The following SCN1A variants were observed in gnomAD, a reference collection of about 807,000 sequenced individuals.
SCN1A encodes the protein sodium voltage-gated channel alpha subunit 1.
A neutral mutation model predicts 193.7 loss-of-function variants in SCN1A; 13 were observed. The observed-to-expected ratio is 0.07, with a 90% confidence interval of 0.04 to 0.11. SCN1A has a LOEUF of 0.11. Ranked by LOEUF, SCN1A falls within the 10% of genes least tolerant of loss-of-function variation. The pLI is 1.00. For synonymous variants in SCN1A, 781 were observed against 843.6 expected (o/e 0.93, Z 1.29); for missense variants, 1,432 against 2,451.1 (o/e 0.58, Z 8.78).
chr2:166,074,844 A>G (rs1266776252), intron 3 of SCN1A, among the ~76,000 whole-genome samples: 1 of 152,170 alleles, frequency 6.6e-6, no homozygotes, highest in Non-Finnish European at 1.5e-5. Context: ...AGAGACCTCA[A>G]ATTTCAAGGA....
At chr2:166,110,073 C>G (rs144244514) in intron 2 of SCN1A, among the ~76,000 whole-genome samples, 2 of 152,010 alleles carry the variant, frequency 1.3e-5, no homozygotes, top group Admixed American at 1.3e-4. Flanking sequence ...GGGACACATA[C>G]CCCATTTACT....
At chr2:166,026,315 T>C (rs1694754349) in intron 19 of SCN1A, among the ~76,000 whole-genome samples, 1 of 152,140 alleles carries the variant, frequency 6.6e-6, no homozygotes, top group African/African-American at 2.4e-5. Flanking sequence ...TATATTCTTA[T>C]AACGGTTGAG....
intron 2 of SCN1A, among the ~76,000 whole-genome samples, chr2:166,092,378 T>C (rs1227217927): frequency 6.6e-6 from 1 of 152,172 alleles, no homozygotes; most frequent in Non-Finnish European, 1.5e-5. Flanking sequence ...TTTTAGAGAA[T>C]GGTCTAGGAA....
In SCN1A at chr2:165,992,481, A is replaced by G; in HGVS notation, c.4853-59T>C. 5 of 1,597,782 alleles carry G rather than the reference A, an allele frequency of 3.1e-6. No individual in the cohort carries two copies. Among genetic ancestry groups the G allele is most frequent in the Non-Finnish European group, 4.3e-6 (5 of 1,166,322 alleles). On this transcript the variant is annotated intron_variant, in intron 28 of 28. Transcript: ENST00000674923. This position sits in a 1 kb window ranked among gnomAD's most constrained non-coding sequence, Gnocchi z 6.5. Reference sequence around the variant, plus strand: ...AGAAATCATGCGTTAAAATAAACATATGTTTCTTCTAAAGCTCCAAGGTAA... The same window carrying G: ...AGAAATCATGCGTTAAAATAAACATGTGTTTCTTCTAAAGCTCCAAGGTAA...
In SCN1A at chr2:166,004,195, G is replaced by C. The variant is rs1691335793; in HGVS notation, c.4003-1442C>G. Among the ~76,000 whole-genome samples, 6 of 151,490 alleles carry C rather than the reference G, an allele frequency of 4.0e-5. No individual in the cohort carries two copies. In the South Asian group the frequency reaches 1.2e-3, roughly 31 times the overall value. ...ATAATTTATTTTAAATGGATGAATAGAATTAGATTTCTTTCAGATTAGAGA... is the reference window on the plus strand; with the variant it reads ...ATAATTTATTTTAAATGGATGAATACAATTAGATTTCTTTCAGATTAGAGA... On this transcript the variant is annotated intron_variant, in intron 23 of 28. Coordinates refer to ENST00000674923, the MANE Select transcript of SCN1A (RefSeq NM_001165963.4).
chr2:166,009,990 A>C (rs1574040962), intron 22 of SCN1A, 149 bp from the exon 23 acceptor site: 2 of 712,624 alleles, frequency 2.8e-6, no homozygotes, highest in East Asian at 6.0e-5. Flanking sequence ...AAATTAAAGA[A>C]ATAATTTCAG....
At chr2:166,024,064 C>A (rs577409383) in intron 19 of SCN1A, among the ~76,000 whole-genome samples, 10 of 151,986 alleles carry the variant, frequency 6.6e-5, no homozygotes, top group Admixed American at 5.2e-4. Context: ...GTGTGAGACA[C>A]CGCGCCTGGC....
intron 2 of SCN1A, among the ~76,000 whole-genome samples, chr2:166,079,948 A>G (rs1308363920): frequency 2.0e-5 from 3 of 151,600 alleles, no homozygotes; most frequent in African/African-American, 7.3e-5. Flanking sequence ...ATTATGTTAT[A>G]TTAATTATAA....
intron 1 of SCN1A, among the ~76,000 whole-genome samples, chr2:166,135,701 G>A (rs898302459): frequency 8.5e-5 from 13 of 152,144 alleles, no homozygotes; most frequent in Non-Finnish European, 1.0e-4. Context: ...CCACTCCAGG[G>A]ACTGAGGCCC....
chr2:166,019,735 G>A (rs1319025951), intron 19 of SCN1A, among the ~76,000 whole-genome samples: 1 of 152,070 alleles, frequency 6.6e-6, no homozygotes, highest in African/African-American at 2.4e-5. Context: ...GGTCCACAAA[G>A]CTTAGTGTAT....
intron 2 of SCN1A, among the ~76,000 whole-genome samples, chr2:166,089,342 A>T (rs1303182431): frequency 6.6e-6 from 1 of 152,190 alleles, no homozygotes; most frequent in African/African-American, 2.4e-5. Flanking sequence ...ATATATGAAG[A>T]AAGTCTTCTC....
At position 166,039,458 on chromosome 2, in the gene SCN1A, C is replaced by T. The variant is rs1057524206; in HGVS notation, c.2554G>A (p.Val852Met). 1 of 1,610,458 alleles carries T rather than the reference C, an allele frequency of 6.2e-7. No homozygotes were observed. The highest frequency in any genetic ancestry group is 8.5e-7 in the Non-Finnish European group (1 of 1,178,484). Residue 852 changes from valine (V) to methionine (M), a missense_variant, in exon 17 of 29, where the codon GTG (valine) becomes ATG (methionine). Coordinates refer to ENST00000674923, the MANE Select transcript of SCN1A (RefSeq NM_001165963.4). ...GAACGGAGAACAGATAATCCTTCCA[C>T]ATTGGCGAGTCCAAGTTCTACCAGG... ...LSLVELGLAN[V>M]EGLSVLRSFR...
chr2:165,991,338 A>C lies in SCN1A; in HGVS notation c.5937T>G (p.Thr1979=). 1.2e-6 allele frequency: 2 copies of C among 1,613,418 alleles called. No individual in the cohort carries two copies. Among genetic ancestry groups the C allele is most frequent in the Non-Finnish European group, 1.7e-6 (2 of 1,179,804 alleles). Residue 1979 remains threonine (T), a synonymous_variant, in exon 29 of 29, where the codon ACT becomes ACG. Coordinates refer to ENST00000674923, the MANE Select transcript of SCN1A (RefSeq NM_001165963.4). Reference sequence around the variant, plus strand: ...GGTCATAGGAAGGTGGACAAGCTGCAGTGGACATGGTCAGATCAGTTTTTT... The same window carrying C: ...GGTCATAGGAAGGTGGACAAGCTGCCGTGGACATGGTCAGATCAGTTTTTT... ...ITEKTDLTMS[T]AACPPSYDRV...
intron 19 of SCN1A, among the ~76,000 whole-genome samples, chr2:166,028,469 T>C (rs1228659906): frequency 6.6e-6 from 1 of 152,170 alleles, no homozygotes; most frequent in African/African-American, 2.4e-5. Flanking sequence ...ATCTATATAA[T>C]GAAAGAGTTG....
At chr2:166,001,543 A>C (rs1690845132) in intron 24 of SCN1A, among the ~76,000 whole-genome samples, 1 of 151,450 alleles carries the variant, frequency 6.6e-6, no homozygotes, top group African/African-American at 2.4e-5. Context: ...CCCTAAAGAC[A>C]CTGTAGAACC....
intron 4 of SCN1A, among the ~76,000 whole-genome samples, chr2:166,070,295 TG>T (rs1043442069): frequency 2.6e-5 from 4 of 152,208 alleles, no homozygotes; most frequent in Non-Finnish European, 4.4e-5. Flanking sequence ...GCATTGCTGT[TG>T]AATGACTTAC....
At chr2:166,005,193 G>A (rs1411195937) in intron 23 of SCN1A, among the ~76,000 whole-genome samples, 1 of 151,402 alleles carries the variant, frequency 6.6e-6, no homozygotes, top group Admixed American at 6.6e-5. Context: ...AGGGCCTTGA[G>A]TGTCTTGAAT....
At chr2:166,106,126 G>T (rs1688664856) in intron 2 of SCN1A, among the ~76,000 whole-genome samples, 1 of 152,250 alleles carries the variant, frequency 6.6e-6, no homozygotes, top group South Asian at 2.1e-4. Context: ...AGCGGAGCTT[G>T]CAGTGAGCCC....
intron 24 of SCN1A, among the ~76,000 whole-genome samples, chr2:166,000,743 A>G (rs1690717068): frequency 6.6e-6 from 1 of 151,726 alleles, no homozygotes; most frequent in South Asian, 2.1e-4. Flanking sequence ...GAGATGTGTT[A>G]AATATGTCAG....
Sources: gnomAD v4.1 joint callset for allele counts (sites outside exome capture counted in the v4.1 genomes callset) on GRCh38, gnomAD v4.1.1 for gene constraint, Gnocchi (gnomAD v3.1) non-coding constraint, MANE v1.5 for transcripts, NCBI Gene and HGNC (gene_info 2026-07-23, HGNC 2026-07-21) for gene names.